The following MYO1D variants were observed in gnomAD, a reference collection of about 807,000 sequenced individuals.
The protein encoded by MYO1D is myosin ID, also known as unconventional myosin-Id.
In MYO1D, 83 loss-of-function variants were observed where a neutral mutation model predicts 122.0. The ratio of observed to expected loss-of-function variants is 0.68; its 90% CI spans 0.57 to 0.82. The LOEUF is 0.82. Ranked by LOEUF, MYO1D falls within the 40% of genes least tolerant of loss-of-function variation. MYO1D has a pLI of 0.00. For missense variants in MYO1D, 1,157 were observed against 1,269.5 expected (o/e 0.91, Z 1.35); for synonymous variants, 464 against 446.9 (o/e 1.04, Z -0.48).
At chr17:32,822,456 C>T (rs2090676193) in intron 1 of MYO1D, among the ~76,000 whole-genome samples, 1 of 150,812 alleles carries the variant, frequency 6.6e-6, no homozygotes, top group African/African-American at 2.4e-5. Flanking sequence ...CTCCCGCCGA[C>T]CACGGGCAGT....
At chr17:32,659,466 C>T in intron 16 of MYO1D, 128 bp from the exon 17 acceptor site, 1 of 877,662 alleles carries the variant, frequency 1.1e-6, no homozygotes, top group East Asian at 2.6e-5. Flanking sequence ...AAAAATCAGC[C>T]AGAGCCAAAG....
intron 19 of MYO1D, among the ~76,000 whole-genome samples, chr17:32,651,796 C>T (rs1418688769): frequency 2.0e-5 from 3 of 151,706 alleles, no homozygotes; most frequent in African/African-American, 7.3e-5. Context: ...CTGCCCCAGG[C>T]TCCTGAGTAG....
At chr17:32,539,276 TACACACACACACACACACACACAC>T (rs5819986) in intron 21 of MYO1D, among the ~76,000 whole-genome samples, 3 of 133,424 alleles carry the variant, frequency 2.2e-5, no homozygotes, top group Admixed American at 1.5e-4. Context: ...ACCCTGTCTC[TACACACACACACACACACACACAC>T]ACACACACAC....
chr17:32,852,336 A>G (rs1356308575), intron 1 of MYO1D, among the ~76,000 whole-genome samples: 1 of 152,142 alleles, frequency 6.6e-6, no homozygotes, highest in African/African-American at 2.4e-5. Context: ...CATGTTGACC[A>G]GGCTGGTCTC....
intron 21 of MYO1D, among the ~76,000 whole-genome samples, chr17:32,584,298 T>C (rs1487386554): frequency 6.6e-6 from 1 of 152,192 alleles, no homozygotes. Context: ...CAATAACCAA[T>C]GGCAGGAGGT....
At chr17:32,728,832 T>C (rs1247228492) in intron 14 of MYO1D, among the ~76,000 whole-genome samples, 1 of 152,200 alleles carries the variant, frequency 6.6e-6, no homozygotes, top group African/African-American at 2.4e-5. Flanking sequence ...AATAGTTGAA[T>C]GGACTATTAC....
At chr17:32,774,016 C>T (rs1334822582) in intron 4 of MYO1D, among the ~76,000 whole-genome samples, 1 of 152,048 alleles carries the variant, frequency 6.6e-6, no homozygotes, top group Admixed American at 6.5e-5. Flanking sequence ...CAGGCTGTGC[C>T]TTGCCAGGCT....
At chr17:32,730,020 T>G (rs1284427788) in intron 14 of MYO1D, among the ~76,000 whole-genome samples, 1 of 152,126 alleles carries the variant, frequency 6.6e-6, no homozygotes, top group Non-Finnish European at 1.5e-5. Context: ...TACTAATATA[T>G]TTATATTTGT....
At chr17:32,581,352 G>T (rs1331958454) in intron 21 of MYO1D, among the ~76,000 whole-genome samples, 1 of 151,916 alleles carries the variant, frequency 6.6e-6, no homozygotes, top group Non-Finnish European at 1.5e-5. Flanking sequence ...TACTAGATGT[G>T]TATCAATTTT....
At chr17:32,557,239 C>T (rs1016880045) in intron 21 of MYO1D, among the ~76,000 whole-genome samples, 1 of 151,780 alleles carries the variant, frequency 6.6e-6, no homozygotes, top group Admixed American at 6.6e-5. Flanking sequence ...CTGCCTCAGC[C>T]TCCTGAGTAG....
At chr17:32,498,050 AGCTCTTCTCTTTG>A (rs1490018573) in intron 21 of MYO1D, 1 of 152,282 alleles carries the variant, frequency 6.6e-6, no homozygotes, top group African/African-American at 2.4e-5. Context: ...TGTTCCTGCT[AGCTCTTCTCTTTG>A]GGCGGAGGAG....
intron 15 of MYO1D, among the ~76,000 whole-genome samples, chr17:32,719,979 G>A (rs1052337902): frequency 4.6e-5 from 7 of 152,096 alleles, no homozygotes; most frequent in Non-Finnish European, 1.0e-4. Flanking sequence ...TCTTTGCTCT[G>A]ATCTTTGTAT....
intron 21 of MYO1D, among the ~76,000 whole-genome samples, chr17:32,555,606 T>C (rs1170168475): frequency 6.6e-6 from 1 of 152,234 alleles, no homozygotes; most frequent in African/African-American, 2.4e-5. Context: ...CCTGGTATCC[T>C]AGGCTTGTCG....
intron 20 of MYO1D, among the ~76,000 whole-genome samples, chr17:32,624,206 TTTTC>T (rs1486941950): frequency 2.6e-5 from 4 of 151,106 alleles, no homozygotes; most frequent in South Asian, 2.1e-4. Context: ...TTATTTTATT[TTTTC>T]TTTAAGTTTT....
intron 21 of MYO1D, among the ~76,000 whole-genome samples, chr17:32,567,849 T>G (rs1413997412): frequency 6.6e-6 from 1 of 152,202 alleles, no homozygotes; most frequent in Non-Finnish European, 1.5e-5. Flanking sequence ...ACGAGGCCAC[T>G]GCTACAGGTT....
intron 5 of MYO1D, among the ~76,000 whole-genome samples, chr17:32,772,010 C>T (rs188587434): frequency 6.6e-6 from 1 of 152,256 alleles, no homozygotes; most frequent in Admixed American, 6.5e-5. Flanking sequence ...GATTTTTAAA[C>T]TTAATATACC....
At chr17:32,821,275 G>A (rs534497178) in intron 1 of MYO1D, among the ~76,000 whole-genome samples, 1 of 152,096 alleles carries the variant, frequency 6.6e-6, no homozygotes, top group Admixed American at 6.6e-5. Context: ...ATTAAGCTGG[G>A]GGGAAAATGA....
chr17:32,671,047 G>C (rs1223648755), intron 16 of MYO1D, among the ~76,000 whole-genome samples: 3 of 152,232 alleles, frequency 2.0e-5, no homozygotes, highest in South Asian at 4.1e-4. Flanking sequence ...GCCTGTCCCG[G>C]AGCTGCAGGC....
intron 1 of MYO1D, among the ~76,000 whole-genome samples, chr17:32,846,336 C>T (rs142464766): frequency 6.6e-5 from 10 of 152,316 alleles, no homozygotes; most frequent in African/African-American, 2.4e-4. Context: ...TGATCACACA[C>T]AGGACTATTA....
Sources: allele counts gnomAD v4.1 joint callset (sites outside exome capture counted in the v4.1 genomes callset), GRCh38; gene constraint gnomAD v4.1.1; transcripts MANE v1.5; gene names NCBI Gene and HGNC (gene_info 2026-07-23, HGNC 2026-07-21).